Variants in CDH13 observed in about 807,000 individuals in gnomAD.
CDH13 encodes the protein cadherin-13.
In CDH13, 24 loss-of-function variants were observed where a neutral mutation model predicts 63.8. The ratio of observed to expected loss-of-function variants is 0.38; its 90% CI spans 0.27 to 0.53. The LOEUF (loss-of-function observed/expected upper bound fraction) is 0.53. Among genes scored for constraint, CDH13 ranks in the 20% least tolerant of loss-of-function variants. The probability of loss-of-function intolerance (pLI) is 0.85; values close to 1 mark genes in which losing one functional copy is unlikely to be tolerated. For synonymous variants in CDH13, 503 were observed against 355.3 expected, an observed-to-expected ratio of 1.42 and a Z score of -4.67; for missense variants, 1,049 against 903.1, an observed-to-expected ratio of 1.16 and a Z score of -2.07.
At chr16:83,313,554 G>A (rs1005148120) in intron 5 of CDH13, among the ~76,000 whole-genome samples, 1 of 149,814 alleles carries the variant, frequency 6.7e-6, no homozygotes, top group Non-Finnish European at 1.5e-5. Context: ...TCAACCCAAA[G>A]TTGAAGGGCC....
intron 1 of CDH13, among the ~76,000 whole-genome samples, chr16:82,816,603 A>G (rs1004684589): frequency 2.0e-5 from 3 of 152,062 alleles, no homozygotes; most frequent in African/African-American, 7.2e-5. Context: ...AGTTCCTATA[A>G]AAATCCTGAG....
chr16:83,574,730 A>C (rs542590077), intron 7 of CDH13, among the ~76,000 whole-genome samples: 1 of 152,276 alleles, frequency 6.6e-6, no homozygotes, highest in East Asian at 1.9e-4. Flanking sequence ...AAGTCATACC[A>C]GGCCCTGTTA....
At chr16:83,207,768 A>T (rs1023934385) in intron 4 of CDH13, among the ~76,000 whole-genome samples, 1 of 151,362 alleles carries the variant, frequency 6.6e-6, no homozygotes, top group African/African-American at 2.4e-5. Flanking sequence ...TCCTTAAAAA[A>T]AAAAAAAAAA....
rs28754377 is a variant in CDH13, at chr16:83,390,805, C to T, written c.781+45799C>T. Among the ~76,000 whole-genome samples the T allele has an allele frequency of 5.1e-3, 775 of 152,188 alleles. 3 individuals are homozygous for T. The highest frequency in any genetic ancestry group is 0.018 in the African/African-American group (739 of 41,526). On this transcript the variant is annotated intron_variant, in intron 6 of 13. Transcript: ENST00000567109. ...AATTAAATAAAAATATTTATTCAGC[C>T]GAGGTAGCTGAAGCAGGAGAAGGAA... is the stretch of plus-strand genomic sequence containing the variant.
chr16:83,606,770 T>C (rs1171704966), intron 8 of CDH13, among the ~76,000 whole-genome samples: 4 of 149,002 alleles, frequency 2.7e-5, no homozygotes, highest in Non-Finnish European at 5.9e-5. Flanking sequence ...CCAGGCCAGT[T>C]TGGTAATGAC....
intron 10 of CDH13, among the ~76,000 whole-genome samples, chr16:83,716,449 C>A (rs1207656998): frequency 6.6e-6 from 1 of 152,132 alleles, no homozygotes; most frequent in Non-Finnish European, 1.5e-5. Flanking sequence ...CCAACCCTTG[C>A]CAGTCATTAA....
intron 5 of CDH13, among the ~76,000 whole-genome samples, chr16:83,310,697 G>T (rs2089980716): frequency 6.6e-6 from 1 of 152,108 alleles, no homozygotes; most frequent in Non-Finnish European, 1.5e-5. Flanking sequence ...TGTACAATGG[G>T]TTGGACAGTG....
intron 1 of CDH13, among the ~76,000 whole-genome samples, chr16:82,674,688 C>T (rs1270306400): frequency 1.3e-5 from 2 of 152,118 alleles, no homozygotes; most frequent in Non-Finnish European, 2.9e-5. Flanking sequence ...TCAGCCATCT[C>T]CTGTGCTAAC....
At chr16:83,365,629 C>G (rs2091244821) in intron 6 of CDH13, among the ~76,000 whole-genome samples, 1 of 152,138 alleles carries the variant, frequency 6.6e-6, no homozygotes, top group African/African-American at 2.4e-5. Flanking sequence ...GACCTTAAAA[C>G]AAGGAGGTTA....
chr16:83,014,743 A>AATATATATATATATATATAT (rs71146101), intron 2 of CDH13, among the ~76,000 whole-genome samples: 1 of 33,232 alleles, frequency 3.0e-5, no homozygotes, highest in African/African-American at 1.2e-4. Context: ...AAAAAAAAAA[A>AATATATATATATATATATAT]ATATATATAT....
At chr16:83,500,827 G>A (rs983249968) in intron 7 of CDH13, among the ~76,000 whole-genome samples, 2 of 151,540 alleles carry the variant, frequency 1.3e-5, no homozygotes, top group African/African-American at 2.4e-5. Flanking sequence ...CGATCCACCC[G>A]CCTCGGCCTC....
At chr16:83,026,853 C>G (rs75000921) in intron 2 of CDH13, among the ~76,000 whole-genome samples, 4,566 of 152,230 alleles carry the variant, frequency 0.03, 94 homozygotes, top group Non-Finnish European at 0.045. Flanking sequence ...GTTTTACTGG[C>G]ATCTTTGGGA....
chr16:83,221,655 G>C (rs2039703515), intron 5 of CDH13, among the ~76,000 whole-genome samples: 1 of 147,494 alleles, frequency 6.8e-6, no homozygotes, highest in Non-Finnish European at 1.5e-5. Context: ...GGGGGAGGAA[G>C]ACGGTGGGGG....
intron 6 of CDH13, among the ~76,000 whole-genome samples, chr16:83,459,851 A>G (rs952890081): frequency 2.0e-5 from 3 of 152,240 alleles, no homozygotes; most frequent in African/African-American, 2.4e-5. Context: ...GTAGTTTTCA[A>G]TAGTGTTACT....
intron 2 of CDH13, among the ~76,000 whole-genome samples, chr16:82,945,949 C>T (rs538258435): frequency 2.1e-4 from 32 of 152,180 alleles, no homozygotes; most frequent in African/African-American, 6.7e-4. Context: ...AATTCTTCTA[C>T]GACTCTTTGG....
intron 5 of CDH13, among the ~76,000 whole-genome samples, chr16:83,326,970 G>C (rs1324946251): frequency 2.0e-5 from 3 of 152,212 alleles, no homozygotes; most frequent in African/African-American, 7.2e-5. Flanking sequence ...TCCGGCCACA[G>C]TCATGTCTGG....
rs373393798 is a variant in CDH13 at position 83,091,168 on chromosome 16, TTCTC to T, written c.367-34211_367-34208del. Among the ~76,000 whole-genome samples, 11 of 152,200 alleles carry T rather than the reference TTCTC, an allele frequency of 7.2e-5. No homozygotes were observed. The East Asian group carries it at 1.5e-3, about 21-fold the overall frequency. On this transcript the variant is annotated intron_variant, in intron 3 of 13. Transcript: ENST00000567109. ...ATATTTTAGTGATCTCCTTCTTCCT[TTCTC>T]TCTCTTCTTCTTTCTTCCTTCTTTC...
intron 13 of CDH13, among the ~76,000 whole-genome samples, chr16:83,785,849 G>A (rs979741859): frequency 2.0e-5 from 3 of 152,144 alleles, no homozygotes; most frequent in African/African-American, 7.2e-5. Context: ...AAGACACTGG[G>A]AAATCAGGAC....
chr16:83,709,644 A>T (rs1056778693), intron 10 of CDH13, among the ~76,000 whole-genome samples: 2 of 152,240 alleles, frequency 1.3e-5, no homozygotes, highest in Non-Finnish European at 2.9e-5. Flanking sequence ...CTTAAAATAC[A>T]TTCTTCATCA....
Sources: allele counts gnomAD v4.1 joint callset (sites outside exome capture counted in the v4.1 genomes callset), GRCh38; gene constraint gnomAD v4.1.1; transcripts MANE v1.5; gene names NCBI Gene and HGNC (gene_info 2026-07-23, HGNC 2026-07-21).